Variants in FADS1 observed in about 807,000 individuals in gnomAD.
The protein encoded by FADS1 is acyl-CoA (8-3)-desaturase.
A neutral mutation model predicts 61.6 loss-of-function variants in FADS1; 17 were observed. That is an observed-to-expected ratio of 0.28 (90% CI 0.19 to 0.41). The LOEUF (loss-of-function observed/expected upper bound fraction) is 0.41, where lower values mean the gene tolerates loss of function less well. FADS1 is among the 10% of genes least tolerant of loss of function. The pLI is 1.00. For synonymous variants in FADS1, 238 were observed against 258.7 expected (o/e 0.92, Z 0.77); for missense variants, 387 against 650.9 (o/e 0.59, Z 4.41).
chr11:61,801,424 G>A lies in FADS1; in HGVS notation c.*987C>T, dbSNP rs2066854846. On this transcript the variant is annotated 3_prime_UTR_variant, in exon 12 of 12. Coordinates refer to ENST00000350997, the MANE Select transcript of FADS1 (RefSeq NM_013402.7). ...TAGAAGTGTTCTGTTCCTGAGGAGT[G>A]GTTAAAGAGGTGAAAAGAAGAGGTG... The A allele has an allele frequency of 6.6e-6, 1 of 152,304 alleles. No homozygotes were observed. Among genetic ancestry groups the A allele is most frequent in the African/African-American group, 2.4e-5 (1 of 41,434 alleles). 9.4% of individuals were successfully genotyped at this position (152,304 alleles called of 1,614,324 possible). A position where few individuals can be genotyped will look rare whatever the true frequency, so the allele number is the denominator to read the frequency against.
In FADS1 at chr11:61,800,095, A is replaced by G. The variant is rs2041953247; in HGVS notation, c.*2316T>C. ...CTTGGCTAAACAGGCTGGTGACACC[A>G]CACCCAAAAGGTGGCAAAGAATAGG... On this transcript the variant is annotated 3_prime_UTR_variant, in exon 12 of 12. Transcript: ENST00000350997. 6.5e-6 allele frequency: 1 copy of G among 152,800 alleles called. No homozygotes were observed. The highest frequency in any genetic ancestry group is 2.4e-5 in the African/African-American group (1 of 41,462). The allele number at this position is 152,800 out of a possible 1,614,324, so 9.5% of individuals were successfully genotyped here. A position where few individuals can be genotyped will look rare whatever the true frequency, so the allele number is the denominator to read the frequency against.
At chr11:61,813,539 A>G (rs1177973311) in intron 1 of FADS1, 186 bp from the exon 2 acceptor site, 1 of 583,260 alleles carries the variant, frequency 1.7e-6, no homozygotes, top group Non-Finnish European at 3.0e-6. Context: ...AGAGGTTTGT[A>G]AAATGCACCA....
intron 5 of FADS1, among the ~76,000 whole-genome samples, chr11:61,807,155 C>T (rs2066899907): frequency 6.6e-6 from 1 of 152,212 alleles, no homozygotes; most frequent in Admixed American, 6.5e-5. Flanking sequence ...ACAACTTCTG[C>T]CTCCCTGGGT....
Position 61,815,963 on chromosome 11 carries a change from C to G in FADS1, c.375+592G>C. 2 of 426,446 alleles carry G rather than the reference C, an allele frequency of 4.7e-6. No individual in the cohort carries two copies. The highest frequency in any genetic ancestry group is 8.5e-6 in the Non-Finnish European group (2 of 234,328). The allele number at this position is 426,446 out of a possible 1,614,324, so 26.4% of individuals were successfully genotyped here. A position where few individuals can be genotyped will look rare whatever the true frequency, so the allele number is the denominator to read the frequency against. On this transcript the variant is annotated intron_variant, in intron 1 of 11. Transcript: ENST00000350997. This position sits in a 1 kb window ranked among gnomAD's most constrained non-coding sequence, Gnocchi z 6.4. The stretch of plus-strand genomic sequence containing the variant: ...CTTGCCCTCCCCGGCCAGCGCTGTC[C>G]CTTCCGCGTCCTCCAGTCTTCACAC...
intron 4 of FADS1, 25 bp downstream of exon 4, chr11:61,810,949 G>C: frequency 6.2e-7 from 1 of 1,614,048 alleles, no homozygotes. Context: ...TGGAGTTTTA[G>C]AGAGCTCCTC....
chr11:61,816,050 A>C lies in FADS1; in HGVS notation c.375+505T>G. Reference sequence around the variant, plus strand: ...TTCCCGTTTCAGCCCCATCCTCGAGAATGGGCTCCTTTCCTGCTCCCTCTC... The same window carrying C: ...TTCCCGTTTCAGCCCCATCCTCGAGCATGGGCTCCTTTCCTGCTCCCTCTC... On this transcript the variant is annotated intron_variant, in intron 1 of 11. Transcript: ENST00000350997. This position sits in a 1 kb window ranked among gnomAD's most constrained non-coding sequence, Gnocchi z 7.0. 4 of 574,578 alleles carry C rather than the reference A, an allele frequency of 7.0e-6. No homozygotes were observed. The highest frequency in any genetic ancestry group is 3.1e-6 in the Non-Finnish European group (1 of 324,244). The allele number at this position is 574,578 out of a possible 1,614,324, so 35.6% of individuals were successfully genotyped here. A position where few individuals can be genotyped will look rare whatever the true frequency, so the allele number is the denominator to read the frequency against.
At chr11:61,806,833 G>C in intron 5 of FADS1, 109 bp from the exon 6 acceptor site, 1 of 971,726 alleles carries the variant, frequency 1.0e-6, no homozygotes. Context: ...CTGACAGCTT[G>C]TTGGTGCTAT....
chr11:61,804,901 T>G (rs966934771), intron 6 of FADS1, 140 bp from the exon 7 acceptor site: 1 of 703,456 alleles, frequency 1.4e-6, no homozygotes, highest in Non-Finnish European at 2.5e-6. Flanking sequence ...GGTGCTTGAG[T>G]GCTCTGCAAT....
chr11:61,802,229 C>A lies in FADS1; in HGVS notation c.*182G>T, dbSNP rs913112963. 7 of 616,222 alleles carry A rather than the reference C, an allele frequency of 1.1e-5. No individual in the cohort carries two copies. Among genetic ancestry groups the A allele is most frequent in the African/African-American group, 9.2e-5 (5 of 54,408 alleles). The allele number at this position is 616,222 out of a possible 1,614,324, so 38.2% of individuals were successfully genotyped here. ...CCTAGGGACTTCTGTGTCCACCCCC[C>A]ACTTTGGGTCTTAGAACTGTGGCTA... On this transcript the variant is annotated 3_prime_UTR_variant, in exon 12 of 12. Transcript: ENST00000350997. This position sits in a 1 kb window ranked among gnomAD's most constrained non-coding sequence, Gnocchi z 4.2.
At position 61,800,480 on chromosome 11, in the gene FADS1, A is replaced by G. The variant is rs562688177; in HGVS notation, c.*1931T>C. ...TTCTTCCTGTGTCTTTGTGTTGACA[A>G]ACCTCTAATCTTCCATGTCTTTGTG... On this transcript the variant is annotated 3_prime_UTR_variant, in exon 12 of 12. Coordinates refer to ENST00000350997, the MANE Select transcript of FADS1 (RefSeq NM_013402.7). 27 of 152,398 alleles carry G rather than the reference A, an allele frequency of 1.8e-4. No individual in the cohort carries two copies. Among genetic ancestry groups the G allele is most frequent in the African/African-American group, 5.3e-4 (22 of 41,552 alleles). The allele number at this position is 152,398 out of a possible 1,614,324, so 9.4% of individuals were successfully genotyped here. A position where few individuals can be genotyped will look rare whatever the true frequency, so the allele number is the denominator to read the frequency against.
At position 61,810,800 on chromosome 11, in the gene FADS1, A is replaced by G; in HGVS notation, c.866T>C (p.Ile289Thr). The G allele has an allele frequency of 6.2e-7, 1 of 1,614,132 alleles. No individual in the cohort carries two copies. ...GGCAAAGAAGAAGGGATGCATGTTG[A>G]TGTCTGGGTCTTTGCGGAAGCAGTT... ...KPNCFRKDPD[I>T]NMHPFFFALG... Residue 289 changes from isoleucine to threonine, a missense_variant, in exon 5 of 12, where the codon ATC (isoleucine) becomes ACC (threonine). Transcript: ENST00000350997.
intron 2 of FADS1, among the ~76,000 whole-genome samples, chr11:61,812,985 G>T (rs1398778313): frequency 6.6e-6 from 1 of 152,212 alleles, no homozygotes; most frequent in Admixed American, 6.5e-5. Context: ...CATAGTAAGT[G>T]CTCATATGAT....
intron 1 of FADS1, chr11:61,814,238 G>A (rs2066954239): frequency 6.6e-6 from 1 of 152,412 alleles, no homozygotes; most frequent in Non-Finnish European, 1.5e-5. Flanking sequence ...ATCTCCCTAG[G>A]CCCAGCTGCC....
chr11:61,815,779 G>T lies in FADS1; in HGVS notation c.375+776C>A. On this transcript the variant is annotated intron_variant, in intron 1 of 11. Transcript: ENST00000350997. The surrounding 1 kb of genome is among the most constrained non-coding windows in gnomAD (Gnocchi z 6.4). The stretch of plus-strand genomic sequence containing the variant: ...GAAGAAGGGACAGGACCCCGCGAAG[G>T]GCCTACCGCCCCAGAGCGTAAACAG... 1 of 162,726 alleles carries T rather than the reference G, an allele frequency of 6.1e-6. No homozygotes were observed. The highest frequency in any genetic ancestry group is 1.4e-5 in the Non-Finnish European group (1 of 73,760). The allele number at this position is 162,726 out of a possible 1,614,324, so 10.1% of individuals were successfully genotyped here.
rs564815378 is a variant in FADS1, at chr11:61,801,417, G to T, written c.*994C>A. On this transcript the variant is annotated 3_prime_UTR_variant, in exon 12 of 12. Coordinates refer to ENST00000350997, the MANE Select transcript of FADS1 (RefSeq NM_013402.7). Reference sequence around the variant, plus strand: ...CCAGTCCTAGAAGTGTTCTGTTCCTGAGGAGTGGTTAAAGAGGTGAAAAGA... The same window carrying T: ...CCAGTCCTAGAAGTGTTCTGTTCCTTAGGAGTGGTTAAAGAGGTGAAAAGA... The T allele has an allele frequency of 6.6e-6, 1 of 152,328 alleles. No homozygotes were observed. The highest frequency in any genetic ancestry group is 1.5e-5 in the Non-Finnish European group (1 of 68,040). The allele number at this position is 152,328 out of a possible 1,614,324, so 9.4% of individuals were successfully genotyped here.
chr11:61,806,748 A>G (rs2066897564), intron 5 of FADS1, 24 bp from the exon 6 acceptor site: 1 of 1,609,144 alleles, frequency 6.2e-7, no homozygotes, highest in Non-Finnish European at 8.5e-7. Context: ...CAAACACATG[A>G]GCATTCGGAG....
chr11:61,814,664 G>T (rs1326097078), intron 1 of FADS1: 1 of 152,218 alleles, frequency 6.6e-6, no homozygotes, highest in Admixed American at 6.5e-5. Flanking sequence ...GCTGGCTGGG[G>T]TGGCCAGCTT....
At position 61,803,352 on chromosome 11, in the gene FADS1, C is replaced by T; in HGVS notation, c.1248+11G>A. On this transcript the variant is annotated intron_variant, in intron 9 of 11. Coordinates refer to ENST00000350997, the MANE Select transcript of FADS1 (RefSeq NM_013402.7). This position sits in a 1 kb window ranked among gnomAD's most constrained non-coding sequence, Gnocchi z 4.3. ...TGTTATGCTCCAGTCTTCTGAGTGA[C>T]TGTCCCTTACCTGGGTGGAAACCCA... The T allele has an allele frequency of 6.2e-7, 1 of 1,602,204 alleles. No homozygotes were observed. The highest frequency in any genetic ancestry group is 8.6e-7 in the Non-Finnish European group (1 of 1,169,064).
chr11:61,811,945 T>C (rs2135939408), intron 3 of FADS1: 1 of 389,900 alleles, frequency 2.6e-6, no homozygotes, highest in South Asian at 1.9e-5. Context: ...TGAACTGAGA[T>C]CAAGTGATCC....
Sources: allele counts gnomAD v4.1 joint callset (sites outside exome capture counted in the v4.1 genomes callset), GRCh38; gene constraint gnomAD v4.1.1; non-coding constraint Gnocchi (gnomAD v3.1); transcripts MANE v1.5; gene names NCBI Gene and HGNC (gene_info 2026-07-23, HGNC 2026-07-21).